SGCZ: variants seen among roughly 807,000 people sequenced by gnomAD.
SGCZ encodes the protein zeta-sarcoglycan.
A neutral mutation model predicts 41.3 loss-of-function variants in SGCZ; 40 were observed. That is an observed-to-expected ratio of 0.97 (90% confidence interval 0.75 to 1.26). SGCZ has a LOEUF of 1.26. Ranked by LOEUF, SGCZ falls within the 50% of genes most tolerant of loss-of-function variation. SGCZ has a pLI of 0.00. For synonymous variants in SGCZ, 206 were observed against 137.5 expected, an observed-to-expected ratio of 1.50 and a Z score of -3.49; for missense variants, 552 against 369.8, an observed-to-expected ratio of 1.49 and a Z score of -4.04.
At chr8:14,911,220 G>A (rs778556076) in intron 1 of SGCZ, among the ~76,000 whole-genome samples, 23 of 151,960 alleles carry the variant, frequency 1.5e-4, no homozygotes, top group Non-Finnish European at 2.9e-4. Flanking sequence ...AATCACCATG[G>A]TGTCCACATC....
intron 3 of SGCZ, among the ~76,000 whole-genome samples, chr8:14,278,907 C>G (rs1260046678): frequency 5.9e-5 from 9 of 152,106 alleles, no homozygotes; most frequent in Non-Finnish European, 1.3e-4. Flanking sequence ...GGTCAGCCCA[C>G]AAAATGCATG....
chr8:14,236,595 A>G (rs13251264), intron 4 of SGCZ, among the ~76,000 whole-genome samples: 35,661 of 151,404 alleles, frequency 0.24, 5,378 homozygotes, highest in Non-Finnish European at 0.34. Context: ...TCATTAAAAT[A>G]AGAATACCTC....
At chr8:15,200,826 G>C (rs1210752525) in intron 1 of SGCZ, among the ~76,000 whole-genome samples, 1 of 152,124 alleles carries the variant, frequency 6.6e-6, no homozygotes, top group Non-Finnish European at 1.5e-5. Flanking sequence ...TCCTTAACCT[G>C]TCACACTCTG....
At chr8:14,604,458 T>A (rs1805685307) in intron 1 of SGCZ, among the ~76,000 whole-genome samples, 2 of 152,164 alleles carry the variant, frequency 1.3e-5, no homozygotes. Flanking sequence ...TTGAAATATG[T>A]ATTCATTTTA....
intron 1 of SGCZ, among the ~76,000 whole-genome samples, chr8:14,854,157 A>G (rs1414097522): frequency 6.6e-6 from 1 of 150,536 alleles, no homozygotes; most frequent in Non-Finnish European, 1.5e-5. Context: ...TATTGTTATT[A>G]GTTTGATTTT....
chr8:14,722,608 G>A (rs1192194681), intron 1 of SGCZ, among the ~76,000 whole-genome samples: 1 of 151,518 alleles, frequency 6.6e-6, no homozygotes, highest in Non-Finnish European at 1.5e-5. Flanking sequence ...AAATGAGAAG[G>A]GAAAAGCAAT....
intron 1 of SGCZ, among the ~76,000 whole-genome samples, chr8:14,808,302 A>C (rs900955652): frequency 6.6e-6 from 1 of 152,082 alleles, no homozygotes; most frequent in African/African-American, 2.4e-5. Flanking sequence ...GCAACCTACA[A>C]AATGGGAGAA....
intron 2 of SGCZ, among the ~76,000 whole-genome samples, chr8:14,324,951 C>A (rs1449837688): frequency 1.3e-5 from 2 of 152,074 alleles, no homozygotes; most frequent in Non-Finnish European, 2.9e-5. Context: ...AACATTCTGG[C>A]AACATTTAGA....
intron 1 of SGCZ, among the ~76,000 whole-genome samples, chr8:14,788,773 T>G (rs867400834): frequency 2.2e-4 from 34 of 152,306 alleles, no homozygotes; most frequent in African/African-American, 7.7e-4. Flanking sequence ...GCTAGCTTCC[T>G]GCCAGCCTCC....
intron 1 of SGCZ, among the ~76,000 whole-genome samples, chr8:14,702,741 A>C (rs1809181555): frequency 1.3e-5 from 1 of 79,694 alleles, no homozygotes; most frequent in Non-Finnish European, 3.6e-5. Flanking sequence ...TGATAGATAG[A>C]TAGATAGATA....
At chr8:14,375,727 A>C (rs1428952097) in intron 2 of SGCZ, among the ~76,000 whole-genome samples, 3 of 152,204 alleles carry the variant, frequency 2.0e-5, no homozygotes, top group Non-Finnish European at 4.4e-5. Context: ...GCACTGAGCA[A>C]AATAAAGTTT....
chr8:14,809,161 C>G (rs974140337), intron 1 of SGCZ, among the ~76,000 whole-genome samples: 1 of 151,642 alleles, frequency 6.6e-6, no homozygotes, highest in African/African-American at 2.4e-5. Context: ...AGCACACCAG[C>G]GTGGCACATG....
chr8:14,997,953 C>CT (rs1491047164), intron 1 of SGCZ, among the ~76,000 whole-genome samples: 2 of 151,296 alleles, frequency 1.3e-5, no homozygotes, highest in Non-Finnish European at 2.9e-5. Flanking sequence ...GAGTGAGACT[C>CT]TGTCACAAAA....
intron 2 of SGCZ, among the ~76,000 whole-genome samples, chr8:14,470,438 G>A (rs1203630395): frequency 6.6e-6 from 1 of 151,838 alleles, no homozygotes; most frequent in Non-Finnish European, 1.5e-5. Context: ...ATTTTAATTA[G>A]GAAGGAACAA....
At chr8:14,620,201 T>A (rs1258795241) in intron 1 of SGCZ, among the ~76,000 whole-genome samples, 1 of 152,158 alleles carries the variant, frequency 6.6e-6, no homozygotes, top group East Asian at 1.9e-4. Context: ...GGATTCCCTA[T>A]TTAATAAATG....
rs569628727 is a variant in SGCZ, at chr8:14,344,333, G to C, written c.235-20129C>G. On this transcript the variant is annotated intron_variant, in intron 2 of 7. Transcript: ENST00000382080. ...AAGAAGTCTATGAAACTGGAACCAG[G>C]AAAAATACAAAAAAAAAGCTACACT... Among the ~76,000 whole-genome samples, 4 of 150,140 alleles carry C rather than the reference G, an allele frequency of 2.7e-5. No individual in the cohort carries two copies. The South Asian group carries it at 8.5e-4, about 32-fold the overall frequency.
chr8:14,608,035 T>C (rs1244644375), intron 1 of SGCZ, among the ~76,000 whole-genome samples: 1 of 152,216 alleles, frequency 6.6e-6, no homozygotes, highest in Non-Finnish European at 1.5e-5. Flanking sequence ...AAGATTACAA[T>C]GTCACTGTTA....
At chr8:15,100,839 A>G (rs1806582743) in intron 1 of SGCZ, among the ~76,000 whole-genome samples, 1 of 152,114 alleles carries the variant, frequency 6.6e-6, no homozygotes, top group East Asian at 1.9e-4. Flanking sequence ...AAATAAAAAA[A>G]TTAGTTGGGC....
At chr8:14,765,819 T>G (rs1800018114) in intron 1 of SGCZ, among the ~76,000 whole-genome samples, 1 of 152,094 alleles carries the variant, frequency 6.6e-6, no homozygotes, top group South Asian at 2.1e-4. Flanking sequence ...TCACACAGCC[T>G]GCAAAAAAGT....
Sources: gnomAD v4.1 joint callset for allele counts (sites outside exome capture counted in the v4.1 genomes callset) on GRCh38, gnomAD v4.1.1 for gene constraint, MANE v1.5 for transcripts, NCBI Gene and HGNC (gene_info 2026-07-23, HGNC 2026-07-21) for gene names.